Variants in LRRTM4 observed in about 807,000 individuals in gnomAD.
LRRTM4 encodes the protein leucine-rich repeat transmembrane neuronal protein 4.
Under a neutral mutation model 47.6 loss-of-function variants are expected in LRRTM4, and 25 were observed. The ratio of observed to expected loss-of-function variants is 0.53; its 90% CI spans 0.38 to 0.73. LRRTM4 has a LOEUF of 0.73. Ranked by LOEUF, LRRTM4 falls within the 30% of genes least tolerant of loss-of-function variation. LRRTM4 has a pLI of 0.00. For missense variants in LRRTM4, 638 were observed against 713.4 expected (o/e 0.89, Z 1.20); for synonymous variants, 311 against 269.5 (o/e 1.15, Z -1.51).
At chr2:77,105,782 T>G (rs1671079305) in intron 3 of LRRTM4, among the ~76,000 whole-genome samples, 1 of 152,140 alleles carries the variant, frequency 6.6e-6, no homozygotes, top group South Asian at 2.1e-4. Context: ...ATGAAATAAG[T>G]TTGCCTGTTT....
chr2:77,053,608 T>C (rs960367573), intron 3 of LRRTM4, among the ~76,000 whole-genome samples: 3 of 152,142 alleles, frequency 2.0e-5, no homozygotes, highest in African/African-American at 7.2e-5. Context: ...TCAATAATTA[T>C]CTCTATTGAG....
intron 3 of LRRTM4, among the ~76,000 whole-genome samples, chr2:76,804,797 T>A (rs998223633): frequency 1.3e-5 from 2 of 150,558 alleles, no homozygotes; most frequent in African/African-American, 4.9e-5. Flanking sequence ...TATATCATTG[T>A]TTTATAACAA....
At chr2:77,203,333 G>T (rs907055084) in intron 3 of LRRTM4, among the ~76,000 whole-genome samples, 1 of 152,020 alleles carries the variant, frequency 6.6e-6, no homozygotes, top group Non-Finnish European at 1.5e-5. Flanking sequence ...CTTGACTCCT[G>T]GAGATGGACA....
At chr2:76,773,479 T>C (rs1478007100) in intron 3 of LRRTM4, among the ~76,000 whole-genome samples, 1 of 152,188 alleles carries the variant, frequency 6.6e-6, no homozygotes, top group Non-Finnish European at 1.5e-5. Context: ...ATGCAGTATA[T>C]ATGTGAAAAA....
intron 3 of LRRTM4, among the ~76,000 whole-genome samples, chr2:76,982,940 C>T (rs908127056): frequency 1.4e-4 from 21 of 151,250 alleles, no homozygotes; most frequent in African/African-American, 4.6e-4. Context: ...ATTTTTTAAA[C>T]TTCTTTTTTG....
chr2:76,857,408 A>G (rs1672186210), intron 3 of LRRTM4, among the ~76,000 whole-genome samples: 1 of 151,098 alleles, frequency 6.6e-6, no homozygotes, highest in South Asian at 2.1e-4. Context: ...GAAGATACAA[A>G]TGTGTGTTAT....
intron 3 of LRRTM4, among the ~76,000 whole-genome samples, chr2:77,098,222 T>C (rs556299824): frequency 7.2e-5 from 11 of 152,208 alleles, no homozygotes; most frequent in Non-Finnish European, 1.6e-4. Context: ...TCAAGTTAAC[T>C]GTAAAAATCA....
chr2:77,152,275 T>C (rs927344524), intron 3 of LRRTM4, among the ~76,000 whole-genome samples: 12 of 152,150 alleles, frequency 7.9e-5, no homozygotes, highest in Non-Finnish European at 1.5e-4. Flanking sequence ...TGGAGCTACA[T>C]TTTCAAGGTG....
intron 3 of LRRTM4, among the ~76,000 whole-genome samples, chr2:77,492,051 A>C (rs993615777): frequency 6.6e-6 from 1 of 152,134 alleles, no homozygotes; most frequent in African/African-American, 2.4e-5. Flanking sequence ...AGTGGTTCTT[A>C]GGATAAAATT....
intron 3 of LRRTM4, among the ~76,000 whole-genome samples, chr2:76,908,988 A>C (rs1400936606): frequency 1.3e-5 from 2 of 152,186 alleles, no homozygotes; most frequent in African/African-American, 4.8e-5. Context: ...AATTGGAAAA[A>C]ACTACTTTAA....
intron 3 of LRRTM4, among the ~76,000 whole-genome samples, chr2:76,830,641 T>C (rs1487067576): frequency 6.6e-6 from 1 of 151,848 alleles, no homozygotes; most frequent in East Asian, 1.9e-4. Flanking sequence ...TATATTTATA[T>C]TAAAATTAAA....
At chr2:76,827,404 T>C (rs983913173) in intron 3 of LRRTM4, among the ~76,000 whole-genome samples, 2 of 151,824 alleles carry the variant, frequency 1.3e-5, no homozygotes, top group African/African-American at 2.4e-5. Flanking sequence ...TCAGTAGATA[T>C]GCATTGATGG....
At chr2:77,304,184 A>G (rs1231353393) in intron 3 of LRRTM4, among the ~76,000 whole-genome samples, 2 of 152,100 alleles carry the variant, frequency 1.3e-5, no homozygotes, top group Non-Finnish European at 2.9e-5. Context: ...TTTGCTCTGC[A>G]TTTCCCTCAT....
intron 3 of LRRTM4, among the ~76,000 whole-genome samples, chr2:77,245,821 A>G (rs1003663969): frequency 5.9e-5 from 9 of 152,210 alleles, no homozygotes; most frequent in Admixed American, 5.9e-4. Flanking sequence ...AGTCATTTGT[A>G]GAGATGCAAT....
intron 3 of LRRTM4, among the ~76,000 whole-genome samples, chr2:77,160,501 T>TC (rs1672682889): frequency 9.2e-6 from 1 of 108,182 alleles, no homozygotes. Flanking sequence ...TGTTTAATAT[T>TC]TAAAAAAAAA....
At chr2:77,037,984 G>A (rs1193420756) in intron 3 of LRRTM4, among the ~76,000 whole-genome samples, 1 of 151,564 alleles carries the variant, frequency 6.6e-6, no homozygotes, top group Admixed American at 6.6e-5. Context: ...CACACACTTT[G>A]CTGAAGTTAC....
chr2:77,444,066 G>C (rs112869156), intron 3 of LRRTM4, among the ~76,000 whole-genome samples: 10 of 152,052 alleles, frequency 6.6e-5, no homozygotes, highest in African/African-American at 2.4e-4. Context: ...CTCTTAAACA[G>C]GTAAGTAAGA....
At chr2:77,043,829 G>A (rs1219696424) in intron 3 of LRRTM4, among the ~76,000 whole-genome samples, 2 of 151,422 alleles carry the variant, frequency 1.3e-5, no homozygotes, top group Non-Finnish European at 3.0e-5. Flanking sequence ...AGCTTTATAT[G>A]GCAGATAAAA....
At chr2:77,498,051 T>TTTAA (rs1678428593) in intron 3 of LRRTM4, among the ~76,000 whole-genome samples, 3 of 151,864 alleles carry the variant, frequency 2.0e-5, no homozygotes, top group South Asian at 4.1e-4. Context: ...AGGGCTAGTG[T>TTTAA]TTAAGCCCAG....
Sources: gnomAD v4.1 joint callset for allele counts (sites outside exome capture counted in the v4.1 genomes callset) on GRCh38, gnomAD v4.1.1 for gene constraint, MANE v1.5 for transcripts, NCBI Gene and HGNC (gene_info 2026-07-23, HGNC 2026-07-21) for gene names.